ZBBX: variants seen among roughly 807,000 people sequenced by gnomAD.
The protein encoded by ZBBX is zinc finger B-box domain-containing protein 1.
ZBBX carries 101 observed loss-of-function variants against 108.5 expected under a neutral mutation model. The ratio of observed to expected loss-of-function variants is 0.93; its 90% CI spans 0.79 to 1.10. The LOEUF (loss-of-function observed/expected upper bound fraction) is 1.10. ZBBX is among the 50% of genes least tolerant of loss of function. ZBBX has a pLI of 0.00. For synonymous variants in ZBBX, 356 were observed against 323.4 expected (o/e 1.10, Z -1.08); for missense variants, 1,009 against 941.4 (o/e 1.07, Z -0.94).
intron 17 of ZBBX, among the ~76,000 whole-genome samples, chr3:167,305,045 T>C (rs1306889625): frequency 6.6e-6 from 1 of 152,154 alleles, no homozygotes; most frequent in Admixed American, 6.5e-5. Context: ...GAATGTATTA[T>C]TAATAATTAC....
chr3:167,396,732 TTTGAA>T (rs1748246276), intron 1 of ZBBX, among the ~76,000 whole-genome samples: 1 of 152,004 alleles, frequency 6.6e-6, no homozygotes, highest in South Asian at 2.1e-4. Flanking sequence ...TTAATGAACA[TTTGAA>T]TTGAACAAAG....
chr3:167,234,002 G>A, the ZBBX span, among the ~76,000 whole-genome samples: 3 of 151,684 alleles, frequency 2.0e-5, no homozygotes, highest in African/African-American at 7.3e-5. Flanking sequence ...AGACATTCAT[G>A]CTTTTGTTCA....
intron 6 of ZBBX, among the ~76,000 whole-genome samples, chr3:167,364,711 A>G (rs996253979): frequency 1.3e-5 from 2 of 151,996 alleles, no homozygotes; most frequent in Admixed American, 1.3e-4. Context: ...GTGAATATTA[A>G]AGTTCTCTTT....
intron 20 of ZBBX, among the ~76,000 whole-genome samples, chr3:167,269,714 G>T (rs1726197651): frequency 6.6e-6 from 1 of 152,188 alleles, no homozygotes; most frequent in African/African-American, 2.4e-5. Context: ...TGCCCGTCAA[G>T]AAATCAGATG....
chr3:167,327,832 T>C, intron 11 of ZBBX, 110 bp downstream of exon 11: 1 of 1,087,766 alleles, frequency 9.2e-7, no homozygotes, highest in Non-Finnish European at 1.3e-6. Context: ...GAGAATTACT[T>C]GAACCCGGAA....
chr3:167,224,353 A>G, the ZBBX span, among the ~76,000 whole-genome samples: 1 of 151,974 alleles, frequency 6.6e-6, no homozygotes, highest in Non-Finnish European at 1.5e-5. Context: ...ACAAAATTAC[A>G]GTTAGATAAG....
rs1050019284 is a variant in ZBBX at position 167,330,371 on chromosome 3, A to T, written c.688-2255T>A. Reference sequence around the variant, plus strand: ...AGAAATTTCAGTATCTAAAAGAGCAATAAGGATAGAATAAATGACCAAACA... The same window carrying T: ...AGAAATTTCAGTATCTAAAAGAGCATTAAGGATAGAATAAATGACCAAACA... On this transcript the variant is annotated intron_variant, in intron 10 of 21. Coordinates refer to ENST00000675490, the MANE Select transcript of ZBBX (RefSeq NM_001199201.2). 2.0e-5 allele frequency among the ~76,000 whole-genome samples: 3 copies of T among 152,170 alleles called. No individual in the cohort carries two copies. The South Asian group carries it at 6.2e-4, about 31-fold the overall frequency.
chr3:167,294,097 T>C (rs1387302491), intron 18 of ZBBX, among the ~76,000 whole-genome samples: 2 of 152,198 alleles, frequency 1.3e-5, no homozygotes, highest in African/African-American at 4.8e-5. Flanking sequence ...GAAGAATCAA[T>C]ATCATGAAAA....
intron 11 of ZBBX, 93 bp downstream of exon 11, chr3:167,327,849 G>A (rs1737670404): frequency 1.6e-6 from 2 of 1,235,660 alleles, no homozygotes; most frequent in East Asian, 2.5e-5. Context: ...GGAAGGTGGA[G>A]GTTGCAGTAA....
chr3:167,238,209 T>G (rs1256957100), downstream of ZBBX, among the ~76,000 whole-genome samples: 2 of 152,046 alleles, frequency 1.3e-5, no homozygotes, highest in Non-Finnish European at 2.9e-5. Context: ...AAGCCAGTAG[T>G]GTCAGGACAA....
At chr3:167,260,382 T>C (rs1261084029) in intron 20 of ZBBX, among the ~76,000 whole-genome samples, 4 of 152,214 alleles carry the variant, frequency 2.6e-5, no homozygotes, top group African/African-American at 9.7e-5. Context: ...TCTAGGTCTC[T>C]AGGAAGGCCG....
intron 8 of ZBBX, among the ~76,000 whole-genome samples, chr3:167,356,649 A>G (rs1743627496): frequency 6.6e-6 from 1 of 152,170 alleles, no homozygotes; most frequent in East Asian, 1.9e-4. Context: ...TATATTATGA[A>G]ATAGTTTCAA....
At chr3:167,244,755 C>G (rs1372140979) in intron 20 of ZBBX, among the ~76,000 whole-genome samples, 1 of 152,172 alleles carries the variant, frequency 6.6e-6, no homozygotes, top group East Asian at 1.9e-4. Flanking sequence ...AAAGTTACAA[C>G]TGGCAAGTCA....
At chr3:167,405,912 A>C (rs1748568582) in intron 1 of ZBBX, among the ~76,000 whole-genome samples, 1 of 152,132 alleles carries the variant, frequency 6.6e-6, no homozygotes, top group Non-Finnish European at 1.5e-5. Flanking sequence ...TCTACTAAAA[A>C]TACAAAACCC....
intron 18 of ZBBX, among the ~76,000 whole-genome samples, chr3:167,290,528 C>G (rs1241446912): frequency 6.6e-6 from 1 of 152,112 alleles, no homozygotes; most frequent in Admixed American, 6.5e-5. Flanking sequence ...AAAAAAACAT[C>G]CACTCAGAGA....
chr3:167,397,142 T>TAAAGAAAAAAAAAAAAA (rs564543826), intron 1 of ZBBX, among the ~76,000 whole-genome samples: 1 of 72,428 alleles, frequency 1.4e-5, no homozygotes, highest in African/African-American at 5.3e-5. Context: ...TTCTTGGTGG[T>TAAAGAAAAAAAAAAAAA]AAAAAAAAAA....
chr3:167,195,590 G>T, the ZBBX span, among the ~76,000 whole-genome samples: 1 of 152,016 alleles, frequency 6.6e-6, no homozygotes, highest in Non-Finnish European at 1.5e-5. Context: ...TTCCTGGTAG[G>T]CACAGTAATT....
chr3:167,388,281 A>C (rs191546491), intron 1 of ZBBX, among the ~76,000 whole-genome samples: 197 of 152,014 alleles, frequency 1.3e-3, no homozygotes, highest in Non-Finnish European at 1.8e-3. Context: ...TGTGGTGAAA[A>C]TGTTAGGAGA....
At position 167,328,215 on chromosome 3, in the gene ZBBX, GAACT is replaced by G. The variant is rs1250270955; in HGVS notation, c.688-103_688-100del. 29 of 1,184,392 alleles carry G rather than the reference GAACT, an allele frequency of 2.4e-5. No homozygotes were observed. The Admixed American group carries it at 7.1e-4, about 29-fold the overall frequency. 73.4% of individuals were successfully genotyped at this position (1,184,392 alleles called of 1,614,324 possible). On this transcript the variant is annotated intron_variant, in intron 10 of 21. Coordinates refer to ENST00000675490, the MANE Select transcript of ZBBX (RefSeq NM_001199201.2). ...AATTCTGTGTTTTAAAATACAGGTAGAACTAATTATTAGTCATCACAAATCAGAC... is the reference window on the plus strand; with the variant it reads ...AATTCTGTGTTTTAAAATACAGGTAGAATTATTAGTCATCACAAATCAGAC...
Sources: allele counts gnomAD v4.1 joint callset (sites outside exome capture counted in the v4.1 genomes callset), GRCh38; gene constraint gnomAD v4.1.1; transcripts MANE v1.5; gene names NCBI Gene and HGNC (gene_info 2026-07-23, HGNC 2026-07-21).